Variants in LPP observed in about 807,000 individuals in gnomAD.
LPP encodes the protein LIM domain containing preferred translocation partner in lipoma, also known as lipoma-preferred partner.
Under a neutral mutation model 60.4 loss-of-function variants are expected in LPP, and 38 were observed. The ratio of observed to expected loss-of-function variants is 0.63; its 90% CI spans 0.49 to 0.83. The LOEUF (loss-of-function observed/expected upper bound fraction) is 0.83, where lower values mean the gene tolerates loss of function less well. Ranked by LOEUF, LPP falls within the 40% of genes least tolerant of loss-of-function variation. LPP has a pLI of 0.00. For missense variants in LPP, 902 were observed against 783.6 expected, an observed-to-expected ratio of 1.15 and a Z score of -1.80; for synonymous variants, 328 against 290.8, an observed-to-expected ratio of 1.13 and a Z score of -1.30.
At position 188,352,431 on chromosome 3, in the gene LPP, G is replaced by A. The variant is rs1766144705; in HGVS notation, c.-10+10712G>A. Among the ~76,000 whole-genome samples, 1 of 152,206 alleles carries A rather than the reference G, an allele frequency of 6.6e-6. No individual in the cohort carries two copies. The highest frequency in any genetic ancestry group is 1.5e-5 in the Non-Finnish European group (1 of 68,040). On this transcript the variant is annotated intron_variant, in intron 3 of 11. Coordinates refer to ENST00000617246, the MANE Select transcript of LPP (RefSeq NM_001375462.1). The surrounding 1 kb of genome is among the most constrained non-coding windows in gnomAD (Gnocchi z 4.4). ...GTCGCTGACCTTCCCCACAATAGAA[G>A]CTGTTGATGTGGTCACGTCAGTGCC...
chr3:188,216,161 A>G (rs1713475146), intron 1 of LPP, among the ~76,000 whole-genome samples: 1 of 152,156 alleles, frequency 6.6e-6, no homozygotes, highest in Non-Finnish European at 1.5e-5. Context: ...GGCAGAATAT[A>G]TAGATATGTG....
chr3:188,211,506 C>A (rs1177336723), intron 1 of LPP, among the ~76,000 whole-genome samples: 1 of 152,118 alleles, frequency 6.6e-6, no homozygotes, highest in Non-Finnish European at 1.5e-5. Context: ...CCCGACACAC[C>A]ATTTCCCCTA....
At chr3:188,222,967 C>T (rs1410258979) in intron 1 of LPP, among the ~76,000 whole-genome samples, 1 of 152,182 alleles carries the variant, frequency 6.6e-6, no homozygotes, top group Non-Finnish European at 1.5e-5. Context: ...TTCATACCAT[C>T]TTCTTCTGCC....
intron 5 of LPP, among the ~76,000 whole-genome samples, chr3:188,499,587 T>C (rs1326494543): frequency 6.6e-6 from 1 of 152,198 alleles, no homozygotes; most frequent in Non-Finnish European, 1.5e-5. Context: ...GTTCTGCCTA[T>C]TTTAGGTCAT....
In LPP at chr3:188,449,460, C is replaced by T. The variant is rs530973771; in HGVS notation, c.194-35132C>T. On this transcript the variant is annotated intron_variant, in intron 4 of 11. Transcript: ENST00000617246. The stretch of plus-strand genomic sequence containing the variant: ...CATGCCTAACATTTATCAGCCACTT[C>T]CCATATGCTAGGCTCTCTTTCAAGT... Among the ~76,000 whole-genome samples the T allele has an allele frequency of 2.6e-5, 4 of 152,210 alleles. No individual in the cohort carries two copies. The East Asian group carries it at 7.7e-4, about 29-fold the overall frequency.
At position 188,344,847 on chromosome 3, in the gene LPP, T is replaced by C. The variant is rs530374646; in HGVS notation, c.-10+3128T>C. On this transcript the variant is annotated intron_variant, in intron 3 of 11. Transcript: ENST00000617246. ...AAAGCTGTTTTCCTCCACATTTCTT[T>C]ACTCTGTGACATTGTTCCCTGATCT... Among the ~76,000 whole-genome samples, 14 of 152,332 alleles carry C rather than the reference T, an allele frequency of 9.2e-5. 1 individual carries two copies. The South Asian group carries it at 2.5e-3, about 27-fold the overall frequency.
intron 4 of LPP, among the ~76,000 whole-genome samples, chr3:188,447,198 G>A (rs1474758005): frequency 6.6e-6 from 1 of 152,162 alleles, no homozygotes; most frequent in Admixed American, 6.5e-5. Flanking sequence ...GAGAGACTCT[G>A]ATTTCATTGT....
rs571171333 is a variant in LPP, at chr3:188,724,453, C to G, written c.1240+16060C>G. Among the ~76,000 whole-genome samples, 23 of 152,282 alleles carry G rather than the reference C, an allele frequency of 1.5e-4. 1 individual carries two copies. Among genetic ancestry groups the G allele is most frequent in the African/African-American group, 5.3e-4 (22 of 41,552 alleles). ...ATTTGATTTTCTCTGATTGAAAGCTCTCACTACTAATAAGGGAGCAATTAG... is the reference window on the plus strand; with the variant it reads ...ATTTGATTTTCTCTGATTGAAAGCTGTCACTACTAATAAGGGAGCAATTAG... On this transcript the variant is annotated intron_variant, in intron 8 of 11. Transcript: ENST00000617246.
At chr3:188,383,457 TATGCCA>T (rs1335290090) in intron 3 of LPP, among the ~76,000 whole-genome samples, 5 of 152,218 alleles carry the variant, frequency 3.3e-5, no homozygotes, top group African/African-American at 1.2e-4. Context: ...CTTAGCATGG[TATGCCA>T]CAGATAGGGA....
At chr3:188,203,160 TAATTA>T (rs1305285897) in intron 1 of LPP, among the ~76,000 whole-genome samples, 4 of 137,242 alleles carry the variant, frequency 2.9e-5, no homozygotes, top group African/African-American at 1.1e-4. Flanking sequence ...AATTATATTG[TAATTA>T]AATTATATAT....
At chr3:188,656,405 C>T (rs1053800576) in intron 7 of LPP, among the ~76,000 whole-genome samples, 1 of 152,030 alleles carries the variant, frequency 6.6e-6, no homozygotes, top group African/African-American at 2.4e-5. Context: ...TCTTCAAAGC[C>T]GTGAAGCAAT....
At position 188,321,099 on chromosome 3, in the gene LPP, C is replaced by A. The variant is rs1222190624; in HGVS notation, c.-66-20564C>A. Among the ~76,000 whole-genome samples the A allele has an allele frequency of 3.9e-4, 59 of 152,218 alleles. 1 individual carries two copies. The highest frequency in any genetic ancestry group is 8.1e-4 in the Non-Finnish European group (55 of 68,038). On this transcript the variant is annotated intron_variant, in intron 2 of 11. Transcript: ENST00000617246. ...TTGAGATAGAAGGTTGAGAGAAACA[C>A]TTTGCAGTATTGGGAGAACTGGGTC...
chr3:188,227,922 T>C (rs1229108169), intron 2 of LPP, among the ~76,000 whole-genome samples: 1 of 152,220 alleles, frequency 6.6e-6, no homozygotes, highest in Non-Finnish European at 1.5e-5. Flanking sequence ...CATAGTCCCA[T>C]CCAAACCTCA....
chr3:188,592,571 G>A lies in LPP; in HGVS notation c.430-16590G>A, dbSNP rs1839121992. On this transcript the variant is annotated intron_variant, in intron 6 of 11. Coordinates refer to ENST00000617246, the MANE Select transcript of LPP (RefSeq NM_001375462.1). ...GTTTTGTTTTTGTTTTTTAAATGGA[G>A]TCTCACTCTTTCTCCCAGGCTGGAG... is the stretch of plus-strand genomic sequence containing the variant. 5.4e-5 allele frequency among the ~76,000 whole-genome samples: 2 copies of A among 36,876 alleles called. 1 individual carries two copies. The highest frequency in any genetic ancestry group is 1.3e-4 in the Non-Finnish European group (2 of 14,868). 24.2% of individuals were successfully genotyped at this position (36,876 alleles called of 152,430 possible).
chr3:188,588,388 A>T (rs1837947166), intron 6 of LPP, among the ~76,000 whole-genome samples: 2 of 152,130 alleles, frequency 1.3e-5, no homozygotes, highest in Admixed American at 1.3e-4. Context: ...CCTTAATTCT[A>T]TTAAATTAGT....
chr3:188,633,275 C>T (rs61328215), intron 7 of LPP, among the ~76,000 whole-genome samples: 6,746 of 152,270 alleles, frequency 0.044, 298 homozygotes, highest in African/African-American at 0.11. Flanking sequence ...TCACCTCCCA[C>T]GTCACTGCTA....
At chr3:188,360,205 G>A (rs185339733) in intron 3 of LPP, among the ~76,000 whole-genome samples, 5 of 152,228 alleles carry the variant, frequency 3.3e-5, no homozygotes, top group African/African-American at 1.2e-4. Flanking sequence ...GGCCTGCATC[G>A]GAATTAGGAA....
intron 4 of LPP, among the ~76,000 whole-genome samples, chr3:188,463,371 A>G (rs934221181): frequency 6.6e-6 from 1 of 151,924 alleles, no homozygotes; most frequent in Admixed American, 6.6e-5. Context: ...AAAAAAAAAA[A>G]AAAGTTTAGA....
chr3:188,468,282 T>C (rs1272672841), intron 4 of LPP, among the ~76,000 whole-genome samples: 1 of 152,180 alleles, frequency 6.6e-6, no homozygotes, highest in Non-Finnish European at 1.5e-5. Context: ...TGGCAAACTT[T>C]TCTGTAAATC....
Sources: gnomAD v4.1 joint callset for allele counts (sites outside exome capture counted in the v4.1 genomes callset) on GRCh38, gnomAD v4.1.1 for gene constraint, Gnocchi (gnomAD v3.1) non-coding constraint, MANE v1.5 for transcripts, NCBI Gene and HGNC (gene_info 2026-07-23, HGNC 2026-07-21) for gene names.